The following ZCCHC8 variants were observed in gnomAD, a reference collection of about 807,000 sequenced individuals.
ZCCHC8 encodes the protein zinc finger CCHC domain-containing protein 8.
A neutral mutation model predicts 70.6 loss-of-function variants in ZCCHC8; 27 were observed. The ratio of observed to expected loss-of-function variants is 0.38; its 90% CI spans 0.28 to 0.53. ZCCHC8 has a LOEUF of 0.53. Among genes scored for constraint, ZCCHC8 ranks in the 20% least tolerant of loss-of-function variants. The probability of loss-of-function intolerance (pLI) is 0.81; values close to 1 mark genes in which losing one functional copy is unlikely to be tolerated. For missense variants in ZCCHC8, 737 were observed against 876.9 expected (o/e 0.84, Z 2.01); for synonymous variants, 293 against 317.4 (o/e 0.92, Z 0.82).
At chr12:122,478,705 AG>A (rs1480961600) in intron 11 of ZCCHC8, among the ~76,000 whole-genome samples, 6 of 152,110 alleles carry the variant, frequency 3.9e-5, no homozygotes, top group African/African-American at 7.2e-5. Context: ...TTCCAAATAC[AG>A]CATCATCTTT....
At chr12:122,499,136 T>A in intron 1 of ZCCHC8, 1 of 491,928 alleles carries the variant, frequency 2.0e-6, no homozygotes, top group Non-Finnish European at 3.6e-6. Context: ...ACCAAAACCA[T>A]TATTGAAGCA....
At position 122,500,774 on chromosome 12, in the gene ZCCHC8, T is replaced by G; in HGVS notation, c.67A>C (p.Ile23Leu). Residue 23 changes from isoleucine to leucine, a missense_variant, in exon 1 of 14, where the codon ATT becomes CTT. Coordinates refer to ENST00000633063, the MANE Select transcript of ZCCHC8 (RefSeq NM_017612.5). This position sits in a 1 kb window ranked among gnomAD's most constrained non-coding sequence, Gnocchi z 4.8. The stretch of plus-strand genomic sequence containing the variant: ...AAGCGAGTGTGAACGGGCTTCGGAA[T>G]CGACTCCTCTGGGTGGTCGAACGGC... ...FEPFDHPEES[I>L]PKPVHTRFKD... 1 of 1,590,898 alleles carries G rather than the reference T, an allele frequency of 6.3e-7. No individual in the cohort carries two copies. Among genetic ancestry groups the G allele is most frequent in the Non-Finnish European group, 8.6e-7 (1 of 1,169,084 alleles).
chr12:122,489,599 G>T, intron 4 of ZCCHC8, 136 bp from the exon 5 acceptor site: 1 of 805,500 alleles, frequency 1.2e-6, no homozygotes. Flanking sequence ...GATGTAAAAG[G>T]AGAGCTTCTT....
At chr12:122,481,489 T>A (rs1330315288) in intron 10 of ZCCHC8, 33 bp downstream of exon 10, 1 of 1,559,550 alleles carries the variant, frequency 6.4e-7, no homozygotes, top group East Asian at 2.3e-5. Context: ...AAGGAAACAC[T>A]TAAGGTGACT....
At chr12:122,484,098 A>G (rs918131693) in intron 5 of ZCCHC8, 3 of 152,942 alleles carry the variant, frequency 2.0e-5, no homozygotes, top group African/African-American at 7.3e-5. Flanking sequence ...ACACACATAC[A>G]CTTTTTTGTT....
chr12:122,483,354 A>C lies in ZCCHC8; in HGVS notation c.606-10T>G, dbSNP rs1957574008. 6.3e-7 allele frequency: 1 copy of C among 1,589,514 alleles called. No individual in the cohort carries two copies. The highest frequency in any genetic ancestry group is 8.6e-7 in the Non-Finnish European group (1 of 1,166,636). ...GAAGACTTGATGGTACCTTTAGTGA[A>C]TTTTATTAAGGAATAGTTATCATGG... On this transcript the variant is annotated splice_polypyrimidine_tract_variant and intron_variant, in intron 6 of 13. Coordinates refer to ENST00000633063, the MANE Select transcript of ZCCHC8 (RefSeq NM_017612.5). The surrounding 1 kb of genome is among the most constrained non-coding windows in gnomAD (Gnocchi z 4.4).
chr12:122,486,480 TC>T (rs1957643245), intron 5 of ZCCHC8, among the ~76,000 whole-genome samples: 1 of 148,904 alleles, frequency 6.7e-6, no homozygotes, highest in Non-Finnish European at 1.5e-5. Context: ...AAACCCTCTA[TC>T]ACTTCTCATC....
Position 122,478,298 on chromosome 12 carries a change from G to T in ZCCHC8, c.1141-6C>A. 1 of 1,555,080 alleles carries T rather than the reference G, an allele frequency of 6.4e-7. No homozygotes were observed. The highest frequency in any genetic ancestry group is 8.7e-7 in the Non-Finnish European group (1 of 1,150,724). ...GAACCAAAGATCCTCCATTCCTAAT[G>T]ATGAAAAGAGAAGGAAAAAAAAAAC... On this transcript the variant is annotated splice_polypyrimidine_tract_variant and splice_region_variant and intron_variant, in intron 11 of 13. Coordinates refer to ENST00000633063, the MANE Select transcript of ZCCHC8 (RefSeq NM_017612.5).
rs776761359 is a variant in ZCCHC8, at chr12:122,481,547, C to T, written c.993G>A (p.Ser331=). 6.8e-6 allele frequency: 11 copies of T among 1,613,680 alleles called. No homozygotes were observed. Among genetic ancestry groups the T allele is most frequent in the South Asian group, 1.1e-5 (1 of 91,060 alleles). The change falls in exon 10 of 14, where the codon TCG becomes TCA. Residue 331 remains serine, a synonymous_variant. Transcript: ENST00000633063. ...CTTTTCCATCATAGAGTGCAAGCCC[C>T]GAATTCTCCAATTCAGCCTCTTTGA... ...GWLKEAELEN[S]GLALYDGKDG... is the part of the protein sequence containing the mutation.
chr12:122,472,108 CTG>C lies in ZCCHC8; in HGVS notation c.*1387_*1388del, dbSNP rs1489367069. 1 of 151,872 alleles carries C rather than the reference CTG, an allele frequency of 6.6e-6. No homozygotes were observed. Among genetic ancestry groups the C allele is most frequent in the Non-Finnish European group, 1.5e-5 (1 of 68,008 alleles). The allele number at this position is 151,872 out of a possible 1,614,324, so 9.4% of individuals were successfully genotyped here. A position where few individuals can be genotyped will look rare whatever the true frequency, so the allele number is the denominator to read the frequency against. ...AAATAATTACTTTTCAAAAATTCTG[CTG>C]TTTCTATATTTAAGGCTGAAATCCA... is the stretch of plus-strand genomic sequence containing the variant. On this transcript the variant is annotated 3_prime_UTR_variant, in exon 14 of 14. Transcript: ENST00000633063.
At chr12:122,480,472 A>AC (rs1957509769) in intron 10 of ZCCHC8, 161 bp from the exon 11 acceptor site, 2 of 494,614 alleles carry the variant, frequency 4.0e-6, no homozygotes, top group Non-Finnish European at 6.3e-6. Flanking sequence ...TTAGGACAGA[A>AC]CTTTTTTTTT....
intron 11 of ZCCHC8, among the ~76,000 whole-genome samples, chr12:122,479,604 T>C (rs1182929605): frequency 2.6e-5 from 4 of 152,224 alleles, no homozygotes; most frequent in Non-Finnish European, 4.4e-5. Flanking sequence ...AAATTAATAA[T>C]ACTGTCTCAG....
intron 11 of ZCCHC8, among the ~76,000 whole-genome samples, chr12:122,478,953 G>T (rs1388370272): frequency 1.3e-5 from 2 of 152,078 alleles, no homozygotes; most frequent in Non-Finnish European, 1.5e-5. Context: ...ATGCACTTCC[G>T]CCCGTAATGA....
chr12:122,477,523 G>A (rs1188381829), intron 13 of ZCCHC8, among the ~76,000 whole-genome samples: 4 of 146,190 alleles, frequency 2.7e-5, no homozygotes, highest in Non-Finnish European at 6.0e-5. Flanking sequence ...GGTGGCTCAC[G>A]CCTGTAATCC....
At chr12:122,479,323 C>A (rs572809459) in intron 11 of ZCCHC8, among the ~76,000 whole-genome samples, 65 of 152,300 alleles carry the variant, frequency 4.3e-4, no homozygotes, top group Admixed American at 4.0e-3. Context: ...GTGATCCACC[C>A]GCCTTGGCTT....
In ZCCHC8 at chr12:122,500,787, G is replaced by A. The variant is rs1270330759; in HGVS notation, c.54C>T (p.His18=). Residue 18 remains histidine (H), a synonymous_variant, in exon 1 of 14, where the codon CAC becomes CAT. Coordinates refer to ENST00000633063, the MANE Select transcript of ZCCHC8 (RefSeq NM_017612.5). This position sits in a 1 kb window ranked among gnomAD's most constrained non-coding sequence, Gnocchi z 4.8. The part of the protein sequence containing the change: ...GDLELFEPFD[H]PEESIPKPVH... ...CGGGCTTCGGAATCGACTCCTCTGG[G>A]TGGTCGAACGGCTCGAAGAGCTCTA... is the stretch of plus-strand genomic sequence containing the variant. The A allele has an allele frequency of 3.1e-6, 5 of 1,589,904 alleles. No individual in the cohort carries two copies. In the African/African-American group the frequency reaches 5.4e-5, roughly 17 times the overall value.
intron 3 of ZCCHC8, chr12:122,492,023 C>T (rs891104284): frequency 1.3e-5 from 2 of 152,226 alleles, no homozygotes; most frequent in Non-Finnish European, 1.5e-5. Flanking sequence ...TTGGGTTCCA[C>T]TTCTGCTGGG....
At chr12:122,493,069 T>C (rs920066466) in intron 2 of ZCCHC8, among the ~76,000 whole-genome samples, 2 of 152,088 alleles carry the variant, frequency 1.3e-5, no homozygotes, top group African/African-American at 2.4e-5. Flanking sequence ...GGTTTTGCCA[T>C]GTTGGCCAGG....
At position 122,482,637 on chromosome 12, in the gene ZCCHC8, T is replaced by C. The variant is rs1391699162; in HGVS notation, c.730A>G (p.Met244Val). 6 of 1,603,956 alleles carry C rather than the reference T, an allele frequency of 3.7e-6. No individual in the cohort carries two copies. Among genetic ancestry groups the C allele is most frequent in the East Asian group, 2.2e-5 (1 of 44,690 alleles). Reference sequence around the variant, plus strand: ...TTCTTAACATGAGAAAAATTTACCATTGGGCAATCTTTCATTTGGTGTTCT... The same window carrying C: ...TTCTTAACATGAGAAAAATTTACCACTGGGCAATCTTTCATTTGGTGTTCT... ...SEEHQMKDCPMPRNAARISEK... is the reference protein window; with the variant it reads ...SEEHQMKDCPVPRNAARISEK... Residue 244 changes from methionine (M) to valine (V), a missense_variant and splice_region_variant, in exon 8 of 14, where the codon ATG becomes GTG. By Grantham distance (21) the Met-to-Val change is conservative. Transcript: ENST00000633063.
Sources: gnomAD v4.1 joint callset for allele counts (sites outside exome capture counted in the v4.1 genomes callset) on GRCh38, gnomAD v4.1.1 for gene constraint, Gnocchi (gnomAD v3.1) non-coding constraint, MANE v1.5 for transcripts, NCBI Gene and HGNC (gene_info 2026-07-23, HGNC 2026-07-21) for gene names.